Variants in ITGB6 observed in about 807,000 individuals in gnomAD.
The protein encoded by ITGB6 is integrin subunit beta 6.
ITGB6 carries 80 observed loss-of-function variants against 84.5 expected under a neutral mutation model. The observed-to-expected ratio is 0.95, with a 90% CI of 0.79 to 1.14. The LOEUF (loss-of-function observed/expected upper bound fraction) is 1.14, where lower values mean the gene tolerates loss of function less well. Among genes scored for constraint, ITGB6 ranks in the 50% most tolerant of loss-of-function variants. The pLI, the probability that ITGB6 is intolerant of heterozygous loss-of-function variation, is 0.00. For missense variants in ITGB6, 1,006 were observed against 968.0 expected (o/e 1.04, Z -0.52); for synonymous variants, 383 against 354.9 (o/e 1.08, Z -0.89).
intron 12 of ITGB6, among the ~76,000 whole-genome samples, chr2:160,114,218 C>T (rs1257087880): frequency 6.6e-6 from 1 of 152,152 alleles, no homozygotes; most frequent in Non-Finnish European, 1.5e-5. Flanking sequence ...CTTTTCATGA[C>T]TGTTACGGCT....
chr2:160,198,852 C>A (rs943019681), intron 2 of ITGB6, among the ~76,000 whole-genome samples: 9 of 152,162 alleles, frequency 5.9e-5, no homozygotes, highest in Admixed American at 5.9e-4. Context: ...TCTCCATGAA[C>A]TCTGATTATC....
At chr2:160,122,994 A>C (rs1289230245) in intron 12 of ITGB6, among the ~76,000 whole-genome samples, 1 of 152,224 alleles carries the variant, frequency 6.6e-6, no homozygotes, top group African/African-American at 2.4e-5. Context: ...TAATGCAGCG[A>C]GTTCAGGATG....
At chr2:160,105,493 T>C (rs1696874184) in intron 14 of ITGB6, among the ~76,000 whole-genome samples, 1 of 152,212 alleles carries the variant, frequency 6.6e-6, no homozygotes, top group South Asian at 2.1e-4. Context: ...TGCGTGTTTG[T>C]GGAACACCTG....
At chr2:160,186,962 CG>C (rs1355276059) in intron 4 of ITGB6, among the ~76,000 whole-genome samples, 21 of 92,732 alleles carry the variant, frequency 2.3e-4, no homozygotes, top group African/African-American at 8.6e-4. Flanking sequence ...CAGGGCCTGT[CG>C]GGGGGGTGGG....
chr2:160,156,322 C>T (rs2105845894), intron 7 of ITGB6, among the ~76,000 whole-genome samples: 1 of 152,300 alleles, frequency 6.6e-6, no homozygotes, highest in African/African-American at 2.4e-5. Flanking sequence ...CTGCCTCTTT[C>T]TATGCCTCTC....
At chr2:160,131,955 AC>A (rs2105809045) in intron 10 of ITGB6, among the ~76,000 whole-genome samples, 1 of 152,274 alleles carries the variant, frequency 6.6e-6, no homozygotes, top group South Asian at 2.1e-4. Context: ...AGCATTTTAT[AC>A]TGCCTTAGAT....
rs998320013 is a variant in ITGB6, at chr2:160,099,927, C to T, written c.*1809G>A. The T allele has an allele frequency of 5.3e-5, 8 of 152,146 alleles. No individual in the cohort carries two copies. Among genetic ancestry groups the T allele is most frequent in the Non-Finnish European group, 7.4e-5 (5 of 68,016 alleles). 9.4% of individuals were successfully genotyped at this position (152,146 alleles called of 1,614,324 possible). ...CCCATTCCAATAATAATTAAAAAAACAACAGTAAGTCCACGTAGAGGAGAG... is the reference window on the plus strand; with the variant it reads ...CCCATTCCAATAATAATTAAAAAAATAACAGTAAGTCCACGTAGAGGAGAG... On this transcript the variant is annotated 3_prime_UTR_variant, in exon 15 of 15. Transcript: ENST00000283249.
intron 4 of ITGB6, among the ~76,000 whole-genome samples, chr2:160,186,238 T>A (rs1156838491): frequency 2.8e-5 from 4 of 142,512 alleles, no homozygotes. Flanking sequence ...AAAGGGCTAA[T>A]ATCCAGAATC....
At chr2:160,114,618 C>T (rs1303034620) in intron 12 of ITGB6, among the ~76,000 whole-genome samples, 2 of 152,244 alleles carry the variant, frequency 1.3e-5, no homozygotes, top group East Asian at 1.9e-4. Context: ...ATCTGAGGTA[C>T]CGGGTTCATC....
chr2:160,139,362 T>C (rs1683898374), intron 8 of ITGB6, among the ~76,000 whole-genome samples: 1 of 151,690 alleles, frequency 6.6e-6, no homozygotes, highest in South Asian at 2.1e-4. Flanking sequence ...TATTTTTAAT[T>C]TGTGTGGGTA....
chr2:160,169,269 T>G lies in ITGB6; in HGVS notation c.960A>C (p.Val320=), dbSNP rs1450719052. The change falls in exon 7 of 15, where the codon GTA becomes GTC. Residue 320 remains valine, a synonymous_variant. Coordinates refer to ENST00000283249, the MANE Select transcript of ITGB6 (RefSeq NM_000888.5). ...CGAAGATCAATAACACGTTGTTTTGTACCAGTTTATCAATGAGTTGTCCAA... is the reference window on the plus strand; with the variant it reads ...CGAAGATCAATAACACGTTGTTTTGGACCAGTTTATCAATGAGTTGTCCAA... ...PTIGQLIDKL[V]QNNVLLIFAV... is the part of the protein sequence containing the mutation. 2 of 1,603,406 alleles carry G rather than the reference T, an allele frequency of 1.2e-6. No individual in the cohort carries two copies. Among genetic ancestry groups the G allele is most frequent in the East Asian group, 2.2e-5 (1 of 44,686 alleles).
chr2:160,130,960 A>G (rs952272430), intron 10 of ITGB6, among the ~76,000 whole-genome samples: 10 of 152,210 alleles, frequency 6.6e-5, no homozygotes, highest in African/African-American at 2.2e-4. Context: ...AGCTCCTCTC[A>G]GAATTTAGAA....
At chr2:160,120,157 C>T (rs921425965) in intron 12 of ITGB6, among the ~76,000 whole-genome samples, 20 of 151,930 alleles carry the variant, frequency 1.3e-4, no homozygotes, top group Admixed American at 2.6e-4. Context: ...CCCAGCCATC[C>T]CATTACTGGA....
At chr2:160,108,443 A>T (rs1696998339) in intron 13 of ITGB6, among the ~76,000 whole-genome samples, 1 of 152,188 alleles carries the variant, frequency 6.6e-6, no homozygotes, top group Non-Finnish European at 1.5e-5. Context: ...GTTTTGGGGA[A>T]GTTCCTAGAC....
In ITGB6 at chr2:160,126,522, C is replaced by T. The variant is rs201047218; in HGVS notation, c.1740G>A (p.Thr580=). 1.1e-3 allele frequency: 1,784 copies of T among 1,614,088 alleles called. 15 individuals are homozygous for T. The highest frequency in any genetic ancestry group is 0.01 in the South Asian group (924 of 91,080). The change falls in exon 11 of 15, where the codon ACG becomes ACA. Residue 580 remains threonine (T), a synonymous_variant. Transcript: ENST00000283249. ...TGEYCNCTTS[T]DSCVSEDGVL... ...CTCCATCTTCAGAGACGCAGGAGTC[C>T]GTGCTGGTGGTGCAGTTGCAGTACT...
Position 160,141,936 on chromosome 2 carries a change from A to G in ITGB6, c.1107+46T>C, listed in dbSNP as rs377660549. 6.3e-5 allele frequency: 76 copies of G among 1,203,834 alleles called. No homozygotes were observed. The African/African-American group carries it at 7.9e-4, about 13-fold the overall frequency. 74.6% of individuals were successfully genotyped at this position (1,203,834 alleles called of 1,614,324 possible). ...TGCCTAAATCACATCTTAGTTTTTG[A>G]ATACCAAAGAAATGCAAAAAAGAAG... On this transcript the variant is annotated intron_variant, in intron 8 of 14. Coordinates refer to ENST00000283249, the MANE Select transcript of ITGB6 (RefSeq NM_000888.5).
chr2:160,178,876 T>C (rs1443993224), intron 4 of ITGB6: 2 of 152,116 alleles, frequency 1.3e-5, no homozygotes, highest in Admixed American at 6.6e-5. Flanking sequence ...TTAGTACTTT[T>C]TGTAGAGATG....
chr2:160,196,679 A>G (rs1036353668), intron 2 of ITGB6, among the ~76,000 whole-genome samples: 1 of 151,556 alleles, frequency 6.6e-6, no homozygotes, highest in Non-Finnish European at 1.5e-5. Flanking sequence ...TAACAATTGC[A>G]TGTGTGTGTG....
At chr2:160,144,537 A>G (rs1684117360) in intron 7 of ITGB6, among the ~76,000 whole-genome samples, 1 of 152,238 alleles carries the variant, frequency 6.6e-6, no homozygotes, top group African/African-American at 2.4e-5. Context: ...TGATCCCAGA[A>G]GAGACGGCAG....
Sources: allele counts gnomAD v4.1 joint callset (sites outside exome capture counted in the v4.1 genomes callset), GRCh38; gene constraint gnomAD v4.1.1; transcripts MANE v1.5; gene names NCBI Gene and HGNC (gene_info 2026-07-23, HGNC 2026-07-21).